The following NAV2 variants were observed in gnomAD, a reference collection of about 807,000 sequenced individuals.
NAV2 encodes the protein helicase, APC down-regulated 1.
Under a neutral mutation model 223.2 loss-of-function variants are expected in NAV2, and 54 were observed. The ratio of observed to expected loss-of-function variants is 0.24; its 90% confidence interval spans 0.19 to 0.30. The LOEUF (loss-of-function observed/expected upper bound fraction) is 0.30, where lower values mean the gene tolerates loss of function less well. Among genes scored for constraint, NAV2 ranks in the 10% least tolerant of loss-of-function variants. The probability of loss-of-function intolerance (pLI) is 1.00; values close to 1 mark genes in which losing one functional copy is unlikely to be tolerated. For missense variants in NAV2, 2,806 were observed against 3,147.5 expected (o/e 0.89, Z 2.60); for synonymous variants, 1,279 against 1,239.3 (o/e 1.03, Z -0.67).
chr11:19,694,155 A>T (rs1206425993), intron 1 of NAV2, among the ~76,000 whole-genome samples: 2 of 152,200 alleles, frequency 1.3e-5, no homozygotes, highest in Non-Finnish European at 2.9e-5. Flanking sequence ...GGCTCCCAGG[A>T]CAAACCAGTA....
chr11:19,727,319 A>G (rs1182166471), intron 1 of NAV2, among the ~76,000 whole-genome samples: 1 of 152,230 alleles, frequency 6.6e-6, no homozygotes, highest in Non-Finnish European at 1.5e-5. Context: ...ATGCCTCTCT[A>G]GATCCTTCAG....
chr11:19,642,658 A>C (rs2047697870), intron 1 of NAV2, among the ~76,000 whole-genome samples: 1 of 152,146 alleles, frequency 6.6e-6, no homozygotes. Context: ...ATCTCGGAAT[A>C]AGATCTTTGC....
intron 1 of NAV2, among the ~76,000 whole-genome samples, chr11:19,681,440 C>T (rs2048877550): frequency 6.6e-6 from 1 of 151,870 alleles, no homozygotes; most frequent in Admixed American, 6.5e-5. Flanking sequence ...CCAGGTCTCT[C>T]TGCAATTTGG....
At position 19,933,101 on chromosome 11, in the gene NAV2, C is replaced by T. The variant is rs2045538484; in HGVS notation, c.932-75C>T. On this transcript the variant is annotated intron_variant, in intron 6 of 37. Transcript: ENST00000349880. This position sits in a 1 kb window ranked among gnomAD's most constrained non-coding sequence, Gnocchi z 4.3. The stretch of plus-strand genomic sequence containing the variant: ...GGGTTGGGAGTGATTGGTTGTGTGG[C>T]CATGGCTGACCCTCCCTGGTCTTCA... The T allele has an allele frequency of 4.8e-6, 7 of 1,458,016 alleles. No homozygotes were observed. In the South Asian group the frequency reaches 1.2e-4, roughly 24 times the overall value. The allele number at this position is 1,458,016 out of a possible 1,614,324, so 90.3% of individuals were successfully genotyped here.
intron 1 of NAV2, among the ~76,000 whole-genome samples, chr11:19,695,297 C>T (rs1486894974): frequency 1.3e-5 from 2 of 152,226 alleles, no homozygotes; most frequent in African/African-American, 4.8e-5. Flanking sequence ...CCAGTTCAGC[C>T]ACTTAATAAT....
chr11:19,353,707 A>T (rs1853454447), intron 1 of NAV2, among the ~76,000 whole-genome samples: 1 of 152,174 alleles, frequency 6.6e-6, no homozygotes. Context: ...TTTTGTTCTT[A>T]GAGGGCTGCA....
intron 1 of NAV2, chr11:19,777,560 C>T (rs1334810586): frequency 6.6e-6 from 3 of 455,278 alleles, no homozygotes; most frequent in Non-Finnish European, 1.3e-5. Context: ...CGCTGCTCTA[C>T]TTTTTAACCC....
intron 2 of NAV2, among the ~76,000 whole-genome samples, chr11:19,839,762 A>C (rs17531257): frequency 0.11 from 17,306 of 152,292 alleles, 1,290 homozygotes; most frequent in East Asian, 0.17. Flanking sequence ...AAGTGCACTG[A>C]TGCTTTCCAG....
intron 1 of NAV2, among the ~76,000 whole-genome samples, chr11:19,746,562 A>T (rs889866234): frequency 3.9e-5 from 6 of 152,202 alleles, no homozygotes; most frequent in Non-Finnish European, 8.8e-5. Context: ...TGGAAGGAGG[A>T]TTGATCAAAA....
chr11:20,108,641 G>C (rs1396212295), intron 36 of NAV2, among the ~76,000 whole-genome samples: 1 of 147,810 alleles, frequency 6.8e-6, no homozygotes, highest in Non-Finnish European at 1.5e-5. Context: ...TAGTAGATAC[G>C]GTGTTTCACC....
chr11:19,372,924 C>T (rs1215817556), intron 1 of NAV2, among the ~76,000 whole-genome samples: 1 of 152,168 alleles, frequency 6.6e-6, no homozygotes, highest in Non-Finnish European at 1.5e-5. Flanking sequence ...TTGTTTCTTT[C>T]TCCAGTCTTC....
At chr11:19,393,422 A>G (rs539288827) in intron 1 of NAV2, among the ~76,000 whole-genome samples, 1 of 152,358 alleles carries the variant, frequency 6.6e-6, no homozygotes, top group South Asian at 2.1e-4. Context: ...TCTGATCTGT[A>G]GCTTTAAAAT....
intron 6 of NAV2, among the ~76,000 whole-genome samples, chr11:19,907,070 A>T (rs988743265): frequency 9.9e-5 from 15 of 151,826 alleles, no homozygotes; most frequent in African/African-American, 3.4e-4. Flanking sequence ...AAATGAGGAT[A>T]GCACCAACCA....
intron 1 of NAV2, among the ~76,000 whole-genome samples, chr11:19,374,309 G>GTTTTTTTTTTTTTTTTTTTTTT (rs10533713): frequency 8.0e-6 from 1 of 124,594 alleles, no homozygotes; most frequent in Non-Finnish European, 1.6e-5. Context: ...TTCCGAAAAG[G>GTTTTTTTTTTTTTTTTTTTTTT]TTTTTTTTTT....
chr11:19,853,345 T>G (rs948077857), intron 3 of NAV2, among the ~76,000 whole-genome samples: 5 of 152,236 alleles, frequency 3.3e-5, no homozygotes, highest in Admixed American at 6.5e-5. Context: ...GTTTCCAGTT[T>G]TAAAAGTTAA....
Position 19,939,786 on chromosome 11 carries a change from C to T in NAV2, c.2146+13C>T. On this transcript the variant is annotated intron_variant, in intron 8 of 37. Transcript: ENST00000349880. ...GAAGAACTCACTGGTGAGTATGGAGCCTCAGAAATCTGTGTCTGTTGGTGA... is the reference window on the plus strand; with the variant it reads ...GAAGAACTCACTGGTGAGTATGGAGTCTCAGAAATCTGTGTCTGTTGGTGA... 1 of 1,600,440 alleles carries T rather than the reference C, an allele frequency of 6.2e-7. No homozygotes were observed. Among genetic ancestry groups the T allele is most frequent in the South Asian group, 1.1e-5 (1 of 90,222 alleles).
At chr11:19,512,791 C>G (rs1418995804) in intron 1 of NAV2, among the ~76,000 whole-genome samples, 1 of 152,166 alleles carries the variant, frequency 6.6e-6, no homozygotes, top group Non-Finnish European at 1.5e-5. Flanking sequence ...CCACACAGCC[C>G]TTCACAGGCA....
chr11:19,824,654 C>T (rs147260022), intron 1 of NAV2, among the ~76,000 whole-genome samples: 141 of 152,200 alleles, frequency 9.3e-4, no homozygotes, highest in Admixed American at 1.9e-3. Context: ...TACATTAAAC[C>T]GTTAAGGAGA....
At chr11:19,779,003 G>A (rs1447180913) in intron 1 of NAV2, among the ~76,000 whole-genome samples, 1 of 152,178 alleles carries the variant, frequency 6.6e-6, no homozygotes, top group East Asian at 1.9e-4. Context: ...GCCTCCCAGG[G>A]GATGGCTTCT....
Sources: gnomAD v4.1 joint callset for allele counts (sites outside exome capture counted in the v4.1 genomes callset) on GRCh38, gnomAD v4.1.1 for gene constraint, Gnocchi (gnomAD v3.1) non-coding constraint, MANE v1.5 for transcripts, NCBI Gene and HGNC (gene_info 2026-07-23, HGNC 2026-07-21) for gene names.